Variants in TRPM3 observed in about 807,000 individuals in gnomAD.
TRPM3 encodes long transient receptor potential channel 3.
In TRPM3, 77 loss-of-function variants were observed where a neutral mutation model predicts 181.2. The ratio of observed to expected loss-of-function variants is 0.42; its 90% CI spans 0.35 to 0.51. The LOEUF (loss-of-function observed/expected upper bound fraction) is 0.51. TRPM3 is among the 20% of genes least tolerant of loss of function. The probability of loss-of-function intolerance (pLI) is 0.01; values close to 1 mark genes in which losing one functional copy is unlikely to be tolerated. For synonymous variants in TRPM3, 745 were observed against 796.4 expected, an observed-to-expected ratio of 0.94 and a Z score of 1.09; for missense variants, 1,759 against 2,196.7, an observed-to-expected ratio of 0.80 and a Z score of 3.98.
At chr9:70,570,656 A>AT (rs1231182580) in intron 22 of TRPM3, among the ~76,000 whole-genome samples, 1 of 152,036 alleles carries the variant, frequency 6.6e-6, no homozygotes, top group Non-Finnish European at 1.5e-5. Flanking sequence ...AATATTCACT[A>AT]TTTTTTTCTC....
intron 1 of TRPM3, among the ~76,000 whole-genome samples, chr9:70,924,606 T>G (rs2096701101): frequency 6.6e-6 from 1 of 152,232 alleles, no homozygotes; most frequent in South Asian, 2.1e-4. Context: ...TTAAAGCTCT[T>G]CGTCTTGTTG....
chr9:70,914,068 A>G (rs1229310739), intron 1 of TRPM3, among the ~76,000 whole-genome samples: 2 of 152,206 alleles, frequency 1.3e-5, no homozygotes, highest in East Asian at 1.9e-4. Flanking sequence ...CAAAATTCAT[A>G]TGTTGAAATC....
chr9:70,776,649 G>C (rs1389892885), intron 7 of TRPM3, among the ~76,000 whole-genome samples: 1 of 152,164 alleles, frequency 6.6e-6, no homozygotes, highest in Non-Finnish European at 1.5e-5. Context: ...GTTCAAGTCT[G>C]ATAGACGTTT....
intron 1 of TRPM3, among the ~76,000 whole-genome samples, chr9:71,001,181 C>A (rs930284471): frequency 6.6e-6 from 1 of 152,148 alleles, no homozygotes; most frequent in Non-Finnish European, 1.5e-5. Context: ...TAGCTCCAGT[C>A]CTGAGGACCA....
At chr9:70,904,682 C>T (rs1295160177) in intron 1 of TRPM3, among the ~76,000 whole-genome samples, 1 of 152,138 alleles carries the variant, frequency 6.6e-6, no homozygotes, top group African/African-American at 2.4e-5. Flanking sequence ...GTTTGTTATA[C>T]TTAGTTTAAG....
intron 22 of TRPM3, among the ~76,000 whole-genome samples, chr9:70,567,595 C>T (rs574482499): frequency 3.6e-4 from 54 of 151,758 alleles, no homozygotes; most frequent in African/African-American, 9.5e-4. Flanking sequence ...GCTATGTGAA[C>T]GGCATTTCCT....
chr9:71,092,546 G>A (rs2066406503), intron 1 of TRPM3, among the ~76,000 whole-genome samples: 1 of 151,932 alleles, frequency 6.6e-6, no homozygotes, highest in Non-Finnish European at 1.5e-5. Context: ...TTGGGATCTG[G>A]TTAGGAAGGT....
chr9:70,863,326 T>C (rs530230992), intron 2 of TRPM3, among the ~76,000 whole-genome samples: 16 of 152,238 alleles, frequency 1.1e-4, no homozygotes, highest in African/African-American at 3.4e-4. Context: ...CATTTTCCTT[T>C]AGCTGTATAA....
chr9:71,372,019 T>C (rs1565508236), intron 1 of TRPM3, among the ~76,000 whole-genome samples: 1 of 152,134 alleles, frequency 6.6e-6, no homozygotes. Context: ...TGTTGTTCCC[T>C]GCCATGTGTC....
intron 22 of TRPM3, among the ~76,000 whole-genome samples, chr9:70,559,772 C>T (rs2048607370): frequency 1.3e-5 from 2 of 152,112 alleles, no homozygotes; most frequent in Non-Finnish European, 2.9e-5. Context: ...TCCTCAAGCC[C>T]ACATGGCCTG....
intron 1 of TRPM3, among the ~76,000 whole-genome samples, chr9:71,188,735 A>C (rs2077833996): frequency 6.6e-6 from 1 of 151,924 alleles, no homozygotes. Flanking sequence ...TCTTACCTGC[A>C]AAGAGTCAAA....
chr9:71,150,684 T>C (rs530213458), intron 1 of TRPM3, among the ~76,000 whole-genome samples: 167 of 152,232 alleles, frequency 1.1e-3, no homozygotes, highest in African/African-American at 3.7e-3. Context: ...GGCTAGTACT[T>C]GAGAAAACTG....
chr9:71,323,640 G>A (rs969261884), intron 1 of TRPM3, among the ~76,000 whole-genome samples: 8 of 152,064 alleles, frequency 5.3e-5, no homozygotes, highest in Admixed American at 6.6e-5. Context: ...GGCTATTGGC[G>A]GATGTCGGCT....
At chr9:71,123,011 G>A (rs2073810072), upstream of TRPM3, among the ~76,000 whole-genome samples, 2 of 152,162 alleles carry the variant, frequency 1.3e-5, no homozygotes, top group African/African-American at 4.8e-5. Flanking sequence ...TCAACCTTAT[G>A]GAGTAGGTGT....
At chr9:70,607,312 CA>C (rs1412377164) in intron 19 of TRPM3, among the ~76,000 whole-genome samples, 45 of 152,306 alleles carry the variant, frequency 3.0e-4, no homozygotes, top group African/African-American at 1.1e-3. Flanking sequence ...ATGGGACCTT[CA>C]ATCTGAAATT....
In TRPM3 at chr9:70,884,828, C is replaced by T. The variant is rs529972563; in HGVS notation, c.178-20317G>A. On this transcript the variant is annotated intron_variant, in intron 1 of 25. Coordinates refer to ENST00000677713, the MANE Select transcript of TRPM3 (RefSeq NM_001366145.2). ...GGAATCAATGACTTGAGGCAAAACT[C>T]CTGCTAAAAATCATCCCAGGAGTTT... Among the ~76,000 whole-genome samples, 4 of 152,280 alleles carry T rather than the reference C, an allele frequency of 2.6e-5. No individual in the cohort carries two copies. The South Asian group carries it at 8.3e-4, about 32-fold the overall frequency.
Position 71,093,522 on chromosome 9 carries a change from C to A in TRPM3, c.177+27656G>T, listed in dbSNP as rs2066586041. 2.0e-5 allele frequency among the ~76,000 whole-genome samples: 3 copies of A among 152,108 alleles called. No individual in the cohort carries two copies. In the South Asian group the frequency reaches 6.2e-4, roughly 32 times the overall value. ...CACTGGTCATTAGTGAAATACAAAT[C>A]AAAACCGCAATGACATATCATCTCA... On this transcript the variant is annotated intron_variant, in intron 1 of 25. Transcript: ENST00000677713.
intron 1 of TRPM3, among the ~76,000 whole-genome samples, chr9:70,940,203 C>A (rs1453430549): frequency 1.3e-5 from 2 of 152,090 alleles, no homozygotes; most frequent in Non-Finnish European, 1.5e-5. Flanking sequence ...TCGTTAAAAC[C>A]TTTTGAGGTA....
chr9:70,749,438 A>AT (rs1214636891), intron 8 of TRPM3, among the ~76,000 whole-genome samples: 5 of 152,028 alleles, frequency 3.3e-5, no homozygotes, highest in East Asian at 1.9e-4. Flanking sequence ...TTAGAAAGCT[A>AT]TTTTTTTTCT....
Sources: allele counts gnomAD v4.1 joint callset (sites outside exome capture counted in the v4.1 genomes callset), GRCh38; gene constraint gnomAD v4.1.1; transcripts MANE v1.5; gene names NCBI Gene and HGNC (gene_info 2026-07-23, HGNC 2026-07-21).